The following GAGE10 variants were observed in gnomAD, a reference collection of about 807,000 sequenced individuals.
GAGE10 encodes G antigen 10.
A neutral mutation model predicts 11.5 loss-of-function variants in GAGE10; 9 were observed. That is an observed-to-expected ratio of 0.78 (90% CI 0.47 to 1.37). The LOEUF is 1.37. Ranked by LOEUF, GAGE10 falls within the 40% of genes most tolerant of loss-of-function variation. GAGE10 has a pLI of 0.00. For synonymous variants in GAGE10, 23 were observed against 29.7 expected (o/e 0.77, Z 0.73); for missense variants, 83 against 92.9 (o/e 0.89, Z 0.44).
intron 3 of GAGE10, among the ~76,000 whole-genome samples, chrX:49,312,007 C>T (rs1191767609): frequency 8.9e-6 from 1 of 112,500 alleles, no homozygotes; most frequent in East Asian, 2.8e-4. Flanking sequence ...TGAAAATCCC[C>T]AGATAACACT....
intron 3 of GAGE10, among the ~76,000 whole-genome samples, chrX:49,309,837 A>G (rs2066370066): frequency 9.0e-6 from 1 of 111,601 alleles, no homozygotes; most frequent in South Asian, 3.8e-4. Context: ...CAGGAAGTTA[A>G]AGTGAAAAGC....
intron 4 of GAGE10, among the ~76,000 whole-genome samples, 190 bp from the exon 5 acceptor site, chrX:49,319,538 T>G (rs2066408273): frequency 8.7e-6 from 1 of 114,896 alleles, no homozygotes; most frequent in East Asian, 2.7e-4. Flanking sequence ...AAATTCCTTT[T>G]AAATTCTGCA....
intron 1 of GAGE10, among the ~76,000 whole-genome samples, chrX:49,304,110 G>A (rs1275616926): frequency 8.9e-6 from 1 of 111,806 alleles, no homozygotes; most frequent in African/African-American, 3.3e-5. Context: ...AGGAATACCC[G>A]ATACAGGGGA....
At chrX:49,316,754 T>C (rs2066393136) in intron 3 of GAGE10, among the ~76,000 whole-genome samples, 2 of 111,975 alleles carry the variant, frequency 1.8e-5, no homozygotes, top group African/African-American at 6.5e-5. Flanking sequence ...GTTTGGGCTT[T>C]TTCATGTCTT....
intron 2 of GAGE10, among the ~76,000 whole-genome samples, 178 bp downstream of exon 2, chrX:49,305,118 A>C (rs1352502682): frequency 8.9e-6 from 1 of 112,253 alleles, no homozygotes; most frequent in Non-Finnish European, 1.9e-5. Flanking sequence ...AGTGTTCTTC[A>C]GCTTTTGCCC....
At chrX:49,315,909 C>T (rs782343931) in intron 3 of GAGE10, among the ~76,000 whole-genome samples, 1 of 111,863 alleles carries the variant, frequency 8.9e-6, no homozygotes, top group South Asian at 3.8e-4. Flanking sequence ...GCAATAGTAA[C>T]CCGACACACT....
intron 4 of GAGE10, among the ~76,000 whole-genome samples, 173 bp from the exon 5 acceptor site, chrX:49,319,555 C>T (rs1197870372): frequency 1.2e-4 from 14 of 113,976 alleles, no homozygotes; most frequent in Admixed American, 2.7e-4. Context: ...TGCAGGTCTA[C>T]GCTCAAAGTT....
At position 49,304,015 on chromosome X, in the gene GAGE10, C is replaced by T. The variant is rs782326337; in HGVS notation, c.-9+262C>T. On this transcript the variant is annotated intron_variant, in intron 1 of 4. Transcript: ENST00000407599. ...GGCCAGGACAAGGAGGAAGGTGGGC[C>T]ATGGAGGGGAGGCGGTCAGGGGCTC... is the stretch of plus-strand genomic sequence containing the variant. Among the ~76,000 whole-genome samples, 72 of 111,867 alleles carry T rather than the reference C, an allele frequency of 6.4e-4. No homozygotes were observed. In the South Asian group the frequency reaches 0.026, roughly 41 times the overall value.
chrX:49,305,770 G>A (rs1557124058), intron 3 of GAGE10, among the ~76,000 whole-genome samples: 2 of 111,555 alleles, frequency 1.8e-5, no homozygotes, highest in African/African-American at 6.5e-5. Context: ...AGAAAATGGA[G>A]GCGCTGGGAT....
At chrX:49,317,699 A>C (rs1432743150) in intron 4 of GAGE10, among the ~76,000 whole-genome samples, 1 of 111,722 alleles carries the variant, frequency 9.0e-6, no homozygotes, top group East Asian at 2.8e-4. Flanking sequence ...CTTTAGTAAG[A>C]GAGTTCTTAT....
At chrX:49,306,576 G>A (rs1467197115) in intron 3 of GAGE10, among the ~76,000 whole-genome samples, 3 of 111,925 alleles carry the variant, frequency 2.7e-5, no homozygotes, top group East Asian at 5.6e-4. Flanking sequence ...AATTGTAACC[G>A]AAATCCTATC....
At position 49,317,318 on chromosome X, in the gene GAGE10, A is replaced by G. The variant is rs781829043; in HGVS notation, c.328+30A>G. 5 of 1,183,024 alleles carry G rather than the reference A, an allele frequency of 4.2e-6. No homozygotes were observed. The Admixed American group carries it at 1.1e-4, about 26-fold the overall frequency. ...GGAATCCATTAGGCATGCACATTGT[A>G]GGGTGTCTGTTTCCACAGTATCGTA... On this transcript the variant is annotated intron_variant, in intron 4 of 4. Transcript: ENST00000407599.
At chrX:49,308,262 T>C (rs2066364242) in intron 3 of GAGE10, among the ~76,000 whole-genome samples, 1 of 112,311 alleles carries the variant, frequency 8.9e-6, no homozygotes, top group African/African-American at 3.2e-5. Context: ...TTAATTATCC[T>C]GCAGCATTTC....
In GAGE10 at chrX:49,317,161, A is replaced by G; in HGVS notation, c.203-2A>G. Reference sequence around the variant, plus strand: ...AATTGATATGTATTTTTTATTTTTAATGGCCGAAGCCTGAAGCTGATAGCC... The same window carrying G: ...AATTGATATGTATTTTTTATTTTTAGTGGCCGAAGCCTGAAGCTGATAGCC... On this transcript the variant is annotated splice_acceptor_variant, in intron 3 of 4. Coordinates refer to ENST00000407599, the MANE Select transcript of GAGE10 (RefSeq NM_001098413.4). LOFTEE classifies it high-confidence loss of function. 1 of 1,200,621 alleles carries G rather than the reference A, an allele frequency of 8.3e-7. No individual in the cohort carries two copies. The highest frequency in any genetic ancestry group is 1.8e-5 in the South Asian group (1 of 56,487).
chrX:49,309,636 C>T (rs782427300), intron 3 of GAGE10, among the ~76,000 whole-genome samples: 1 of 112,225 alleles, frequency 8.9e-6, no homozygotes, highest in Middle Eastern at 4.7e-3. Context: ...ATCAGCTGCC[C>T]TGGCAGCTAT....
At chrX:49,308,345 C>G (rs1402445715) in intron 3 of GAGE10, among the ~76,000 whole-genome samples, 1 of 112,533 alleles carries the variant, frequency 8.9e-6, no homozygotes, top group East Asian at 2.8e-4. Flanking sequence ...GCCCCACGGC[C>G]AGGGGAGACC....
At position 49,307,010 on chromosome X, in the gene GAGE10, TA is replaced by T. The variant is rs1289815727; in HGVS notation, c.202+1494del. 6.3e-5 allele frequency among the ~76,000 whole-genome samples: 7 copies of T among 111,362 alleles called. No homozygotes were observed. In the East Asian group the frequency reaches 8.3e-4, roughly 13 times the overall value. ...GAATATGTGTATTTTTTACCATAAT[TA>T]AAAAAAACCTCCTGTCTTCCTAAAG... On this transcript the variant is annotated intron_variant, in intron 3 of 4. Coordinates refer to ENST00000407599, the MANE Select transcript of GAGE10 (RefSeq NM_001098413.4).
At chrX:49,313,101 G>A (rs1294695458) in intron 3 of GAGE10, among the ~76,000 whole-genome samples, 4 of 112,023 alleles carry the variant, frequency 3.6e-5, no homozygotes, top group African/African-American at 6.5e-5. Flanking sequence ...GGGCACGAGA[G>A]GTGACAAAGG....
intron 3 of GAGE10, among the ~76,000 whole-genome samples, chrX:49,307,025 G>C (rs2066359608): frequency 9.0e-6 from 1 of 111,392 alleles, no homozygotes; most frequent in African/African-American, 3.3e-5. Flanking sequence ...AAAACCTCCT[G>C]TCTTCCTAAA....
Sources: allele counts gnomAD v4.1 joint callset (sites outside exome capture counted in the v4.1 genomes callset), GRCh38; gene constraint gnomAD v4.1.1; transcripts MANE v1.5; gene names NCBI Gene and HGNC (gene_info 2026-07-23, HGNC 2026-07-21).